Variants in PTGER3 observed in about 807,000 individuals in gnomAD.
The protein encoded by PTGER3 is prostaglandin E2 receptor EP3 subtype.
A neutral mutation model predicts 34.7 loss-of-function variants in PTGER3; 22 were observed. The ratio of observed to expected loss-of-function variants is 0.63; its 90% CI spans 0.45 to 0.91. The LOEUF is 0.91. Ranked by LOEUF, PTGER3 falls within the 40% of genes least tolerant of loss-of-function variation. PTGER3 has a pLI of 0.00. For synonymous variants in PTGER3, 241 were observed against 230.1 expected, an observed-to-expected ratio of 1.05 and a Z score of -0.43; for missense variants, 468 against 519.4, an observed-to-expected ratio of 0.90 and a Z score of 0.96.
intron 4 of PTGER3, among the ~76,000 whole-genome samples, chr1:70,932,737 A>C (rs1231466795): frequency 6.6e-6 from 1 of 152,208 alleles, no homozygotes; most frequent in Non-Finnish European, 1.5e-5. Flanking sequence ...GTACAAGTCA[A>C]GATGAGATTT....
intron 2 of PTGER3, among the ~76,000 whole-genome samples, chr1:70,986,065 T>A (rs142410891): frequency 1.3e-5 from 2 of 152,082 alleles, no homozygotes; most frequent in Non-Finnish European, 1.5e-5. Flanking sequence ...AAAACCAAGA[T>A]GGCGACAAGA....
At chr1:70,976,028 C>A (rs1029121492) in intron 2 of PTGER3, among the ~76,000 whole-genome samples, 1 of 151,850 alleles carries the variant, frequency 6.6e-6, no homozygotes. Flanking sequence ...CTTGGGCTTG[C>A]ATTATTTGTT....
chr1:70,967,731 A>C (rs1652675085), downstream of PTGER3, among the ~76,000 whole-genome samples: 1 of 152,168 alleles, frequency 6.6e-6, no homozygotes, highest in Non-Finnish European at 1.5e-5. Flanking sequence ...TTCCAATTAC[A>C]AAGGATGTTG....
chr1:70,884,319 A>G (rs1228841879), intron 4 of PTGER3, among the ~76,000 whole-genome samples: 2 of 152,170 alleles, frequency 1.3e-5, no homozygotes, highest in African/African-American at 4.8e-5. Context: ...GTGTGAGCAG[A>G]AGCTGGGAAT....
At chr1:71,015,720 T>G (rs1264540307) in intron 1 of PTGER3, among the ~76,000 whole-genome samples, 1 of 152,114 alleles carries the variant, frequency 6.6e-6, no homozygotes, top group Non-Finnish European at 1.5e-5. Context: ...TACAATTATA[T>G]AACAAAAAAG....
chr1:71,011,478 C>T (rs1466811068), intron 2 of PTGER3: 2 of 985,154 alleles, frequency 2.0e-6, no homozygotes, highest in East Asian at 2.3e-4. Context: ...CTTCACGACT[C>T]TCATAGGTCA....
At chr1:70,938,164 C>G (rs186107472) in intron 4 of PTGER3, among the ~76,000 whole-genome samples, 235 of 152,112 alleles carry the variant, frequency 1.5e-3, no homozygotes, top group African/African-American at 5.5e-3. Context: ...AAGCTTCATG[C>G]TATAGAAATA....
intron 1 of PTGER3, among the ~76,000 whole-genome samples, chr1:71,026,594 G>C (rs371208267): frequency 6.6e-6 from 1 of 151,370 alleles, no homozygotes; most frequent in East Asian, 1.9e-4. Flanking sequence ...ACCCCCTTAG[G>C]CTGCTTTTGT....
At chr1:70,989,456 C>G (rs1655229102) in intron 2 of PTGER3, among the ~76,000 whole-genome samples, 1 of 152,068 alleles carries the variant, frequency 6.6e-6, no homozygotes, top group African/African-American at 2.4e-5. Context: ...AACTTATTTT[C>G]TCTACCTTCT....
At chr1:70,956,914 G>A (rs551143531) in intron 2 of PTGER3, among the ~76,000 whole-genome samples, 11 of 152,290 alleles carry the variant, frequency 7.2e-5, no homozygotes, top group African/African-American at 2.6e-4. Flanking sequence ...AGAATCGCTT[G>A]AGCCAGGGAG....
At chr1:70,993,621 G>A (rs1412798017) in intron 2 of PTGER3, among the ~76,000 whole-genome samples, 2 of 152,202 alleles carry the variant, frequency 1.3e-5, no homozygotes, top group Non-Finnish European at 2.9e-5. Flanking sequence ...TTTCAGGAAT[G>A]ACTGGGAGGC....
chr1:70,991,367 T>C (rs188437969), intron 2 of PTGER3, among the ~76,000 whole-genome samples: 3 of 152,294 alleles, frequency 2.0e-5, no homozygotes, highest in Non-Finnish European at 2.9e-5. Flanking sequence ...TCCTCTCCTC[T>C]CCAAACCCTC....
At chr1:70,887,434 G>C (rs954704471) in intron 4 of PTGER3, among the ~76,000 whole-genome samples, 12 of 152,128 alleles carry the variant, frequency 7.9e-5, no homozygotes, top group African/African-American at 2.9e-4. Flanking sequence ...CAACCCAAAT[G>C]TGTGTAATTT....
At chr1:70,993,437 G>A (rs1190863801) in intron 2 of PTGER3, among the ~76,000 whole-genome samples, 1 of 152,194 alleles carries the variant, frequency 6.6e-6, no homozygotes, top group Non-Finnish European at 1.5e-5. Context: ...AATTCACCAA[G>A]TATTGAAAAG....
At chr1:71,011,468 C>G in intron 2 of PTGER3, 1 of 985,308 alleles carries the variant, frequency 1.0e-6, no homozygotes, top group Non-Finnish European at 1.2e-6. Context: ...TGAAAAACCA[C>G]TTCACGACTC....
At chr1:71,007,655 T>C in intron 2 of PTGER3, 1 of 985,420 alleles carries the variant, frequency 1.0e-6, no homozygotes, top group Non-Finnish European at 1.2e-6. Context: ...TTGAAGTGTA[T>C]TAGTAAATCA....
intron 4 of PTGER3, among the ~76,000 whole-genome samples, chr1:70,942,610 A>T (rs1649862300): frequency 6.6e-6 from 1 of 151,930 alleles, no homozygotes; most frequent in Non-Finnish European, 1.5e-5. Context: ...TACTCTCGAA[A>T]ATTTCTCTTG....
chr1:71,022,445 T>A (rs1658502996), intron 1 of PTGER3, among the ~76,000 whole-genome samples: 1 of 151,932 alleles, frequency 6.6e-6, no homozygotes, highest in Non-Finnish European at 1.5e-5. Flanking sequence ...AAGAATCCCT[T>A]CCTGTGACAT....
At chr1:70,993,988 T>C (rs1655699928) in intron 2 of PTGER3, among the ~76,000 whole-genome samples, 1 of 152,222 alleles carries the variant, frequency 6.6e-6, no homozygotes, top group Non-Finnish European at 1.5e-5. Context: ...TATCAGCCTC[T>C]GACTTCATAG....
Sources: allele counts gnomAD v4.1 joint callset (sites outside exome capture counted in the v4.1 genomes callset), GRCh38; gene constraint gnomAD v4.1.1; transcripts MANE v1.5; gene names NCBI Gene and HGNC (gene_info 2026-07-23, HGNC 2026-07-21).